Variants in KIAA0586 observed in about 807,000 individuals in gnomAD.
The protein encoded by KIAA0586 is protein TALPID3.
Under a neutral mutation model 169.8 loss-of-function variants are expected in KIAA0586, and 144 were observed. The ratio of observed to expected loss-of-function variants is 0.85; its 90% CI spans 0.74 to 0.97. KIAA0586 has a LOEUF of 0.97. Ranked by LOEUF, KIAA0586 falls within the 50% of genes least tolerant of loss-of-function variation. The pLI, the probability that KIAA0586 is intolerant of heterozygous loss-of-function variation, is 0.00. For missense variants in KIAA0586, 1,854 were observed against 1,823.0 expected (o/e 1.02, Z -0.31); for synonymous variants, 625 against 612.4 (o/e 1.02, Z -0.30).
At chr14:58,471,544 G>C (rs1169775317) in intron 17 of KIAA0586, among the ~76,000 whole-genome samples, 1 of 152,192 alleles carries the variant, frequency 6.6e-6, no homozygotes, top group Non-Finnish European at 1.5e-5. Flanking sequence ...CAAGGGTACA[G>C]TTTTAAAAGG....
At chr14:58,463,046 C>A (rs1259471543) in intron 14 of KIAA0586, among the ~76,000 whole-genome samples, 1 of 152,136 alleles carries the variant, frequency 6.6e-6, no homozygotes, top group Non-Finnish European at 1.5e-5. Context: ...CATATCAGAA[C>A]CTAAGGACTT....
In KIAA0586 at chr14:58,498,799, TG is replaced by T; in HGVS notation, c.4010del (p.Gly1337ValfsTer11). On this transcript the variant is annotated frameshift_variant, in exon 27 of 31. Transcript: ENST00000652326. LOFTEE classifies it high-confidence loss of function. The part of the protein sequence containing the change: ...VYHSEDLENS[V>X]GELSEGQRPQ... ...TTTTTAAAGGACTTGGAAAACAGTG[TG>T]GGTGAACTTAGTGAAGGACAAAGAC... is the stretch of plus-strand genomic sequence containing the variant. 1 of 1,602,962 alleles carries T rather than the reference TG, an allele frequency of 6.2e-7. No individual in the cohort carries two copies.
chr14:58,488,218 A>G (rs2042605370), intron 23 of KIAA0586, 109 bp downstream of exon 23: 4 of 856,528 alleles, frequency 4.7e-6, no homozygotes, highest in Non-Finnish European at 7.0e-6. Context: ...ACCACAGACT[A>G]CCTTATACTT....
intron 27 of KIAA0586, 74 bp from the exon 28 acceptor site, chr14:58,508,480 AG>A: frequency 8.6e-7 from 1 of 1,160,472 alleles, no homozygotes; most frequent in South Asian, 1.5e-5. Flanking sequence ...TGGTGGTTTT[AG>A]TCAACTACTT....
intron 29 of KIAA0586, among the ~76,000 whole-genome samples, chr14:58,531,599 A>G (rs1595510159): frequency 6.6e-6 from 1 of 151,878 alleles, no homozygotes; most frequent in South Asian, 2.1e-4. Context: ...GGGAATATAA[A>G]TCAACCATTG....
chr14:58,455,663 A>G (rs1041835027), intron 9 of KIAA0586, among the ~76,000 whole-genome samples: 28 of 148,112 alleles, frequency 1.9e-4, no homozygotes, highest in African/African-American at 6.6e-4. Flanking sequence ...TCTCTTTGCC[A>G]TGGATTACGT....
chr14:58,434,665 C>T (rs2037660896), intron 4 of KIAA0586, among the ~76,000 whole-genome samples: 2 of 152,182 alleles, frequency 1.3e-5, no homozygotes. Flanking sequence ...GATTAATACA[C>T]AGTGATTGGA....
chr14:58,510,727 G>A (rs1248659319), intron 28 of KIAA0586, among the ~76,000 whole-genome samples: 1 of 152,136 alleles, frequency 6.6e-6, no homozygotes, highest in African/African-American at 2.4e-5. Flanking sequence ...CAACACAAAT[G>A]TCAATCAACT....
In KIAA0586 at chr14:58,428,121, C is replaced by G. The variant is rs779140441; in HGVS notation, c.-144C>G. 2.0e-6 allele frequency: 3 copies of G among 1,465,114 alleles called. No homozygotes were observed. Among genetic ancestry groups the G allele is most frequent in the Admixed American group, 2.8e-5 (1 of 35,964 alleles). The allele number at this position is 1,465,114 out of a possible 1,614,324, so 90.8% of individuals were successfully genotyped here. A position where few individuals can be genotyped will look rare whatever the true frequency, so the allele number is the denominator to read the frequency against. On this transcript the variant is annotated 5_prime_UTR_variant, in exon 1 of 31. In the 5' UTR this introduces an upstream ATG that the reference lacks. Transcript: ENST00000652326. ...TCAGCTCTAATCCTGGATTCAATATCAGAATTTAGATTTTCAGCTTTGTGG... is the reference window on the plus strand; with the variant it reads ...TCAGCTCTAATCCTGGATTCAATATGAGAATTTAGATTTTCAGCTTTGTGG...
chr14:58,442,578 C>A, intron 4 of KIAA0586, 128 bp from the exon 5 acceptor site: 1 of 637,616 alleles, frequency 1.6e-6, no homozygotes, highest in Non-Finnish European at 2.6e-6. Context: ...ACCAAATGAC[C>A]TTGTTTGATA....
chr14:58,442,634 A>G, intron 4 of KIAA0586, 72 bp from the exon 5 acceptor site: 1 of 1,125,044 alleles, frequency 8.9e-7, no homozygotes, highest in Non-Finnish European at 1.2e-6. Flanking sequence ...GCAGATTACC[A>G]TTTGTTAAGT....
Position 58,465,827 on chromosome 14 carries a change from T to G in KIAA0586, c.2060-8T>G. The G allele has an allele frequency of 1.3e-6, 2 of 1,540,840 alleles. No individual in the cohort carries two copies. The highest frequency in any genetic ancestry group is 1.7e-4 in the Middle Eastern group (1 of 5,794). On this transcript the variant is annotated splice_polypyrimidine_tract_variant and splice_region_variant and intron_variant, in intron 14 of 30. Coordinates refer to ENST00000652326, the MANE Select transcript of KIAA0586 (RefSeq NM_001329943.3). ...TTTTAAAATATCTGCCATTGGTGAT[T>G]ATTATAGGCACTAAGGTAAAGTCAA...
intron 14 of KIAA0586, among the ~76,000 whole-genome samples, chr14:58,462,506 G>A (rs1355934513): frequency 6.6e-6 from 1 of 152,184 alleles, no homozygotes; most frequent in Non-Finnish European, 1.5e-5. Context: ...ACCCGCCTCA[G>A]CCTCCCAGAG....
chr14:58,487,671 A>G (rs1423185704), intron 22 of KIAA0586, among the ~76,000 whole-genome samples: 1 of 152,144 alleles, frequency 6.6e-6, no homozygotes, highest in African/African-American at 2.4e-5. Context: ...GGTGGTATTA[A>G]CAATGATGTC....
chr14:58,478,532 A>G (rs756483086), intron 20 of KIAA0586, among the ~76,000 whole-genome samples: 5 of 152,054 alleles, frequency 3.3e-5, no homozygotes, highest in East Asian at 1.9e-4. Flanking sequence ...GGGTCTTGCT[A>G]TATTGCCCAG....
At chr14:58,451,287 G>A (rs946841280) in intron 8 of KIAA0586, among the ~76,000 whole-genome samples, 87 of 152,022 alleles carry the variant, frequency 5.7e-4, no homozygotes, top group African/African-American at 2.0e-3. Context: ...GTACAATGGC[G>A]TGATCATGGC....
intron 3 of KIAA0586, among the ~76,000 whole-genome samples, chr14:58,432,183 A>C (rs556429249): frequency 6.6e-6 from 1 of 152,170 alleles, no homozygotes; most frequent in Non-Finnish European, 1.5e-5. Flanking sequence ...TTGCCCGTTC[A>C]GTATGATGTT....
intron 16 of KIAA0586, among the ~76,000 whole-genome samples, chr14:58,468,165 C>A (rs922110188): frequency 1.7e-4 from 26 of 152,264 alleles, no homozygotes; most frequent in African/African-American, 6.0e-4. Flanking sequence ...CCTGCCTCAG[C>A]CTCCTGAGTA....
Position 58,508,555 on chromosome 14 carries a change from G to A in KIAA0586, c.4169G>A (p.Gly1390Asp), listed in dbSNP as rs1296945111. 1.3e-6 allele frequency: 2 copies of A among 1,567,696 alleles called. No individual in the cohort carries two copies. The highest frequency in any genetic ancestry group is 8.7e-7 in the Non-Finnish European group (1 of 1,155,980). The change falls in exon 28 of 31, where the codon GGT (glycine) becomes GAT (aspartate). Residue 1390 changes from glycine (G) to aspartate (D), a missense_variant and splice_region_variant. Coordinates refer to ENST00000652326, the MANE Select transcript of KIAA0586 (RefSeq NM_001329943.3). ...TTTTTATTTACATTTTTGATAACAG[G>A]TAGTATTTATGAAGATTCATGTGCT... ...PLSRQFDTVS[G>D]SIYEDSCASH...
Sources: allele counts gnomAD v4.1 joint callset (sites outside exome capture counted in the v4.1 genomes callset), GRCh38; gene constraint gnomAD v4.1.1; transcripts MANE v1.5; gene names NCBI Gene and HGNC (gene_info 2026-07-23, HGNC 2026-07-21).